SPEG: variants seen among roughly 807,000 people sequenced by gnomAD.
SPEG encodes the protein striated muscle preferentially expressed protein kinase.
SPEG carries 114 observed loss-of-function variants against 300.4 expected under a neutral mutation model. The observed-to-expected ratio is 0.38, with a 90% CI of 0.33 to 0.44. SPEG has a LOEUF of 0.44. SPEG is among the 20% of genes least tolerant of loss of function. The probability of loss-of-function intolerance (pLI) is 1.00; values close to 1 mark genes in which losing one functional copy is unlikely to be tolerated. For synonymous variants in SPEG, 1,964 were observed against 2,018.9 expected (o/e 0.97, Z 0.73); for missense variants, 4,201 against 4,586.2 (o/e 0.92, Z 2.43).
rs1171511631 is a variant in SPEG at position 219,479,888 on chromosome 2, C to T, written c.5163+28C>T. On this transcript the variant is annotated intron_variant, in intron 24 of 40. Transcript: ENST00000312358. This position sits in a 1 kb window ranked among gnomAD's most constrained non-coding sequence, Gnocchi z 5.5. ...GAGGTGGGGACTGGAGAGCAGACAGCCCCTGTGGGAGCCAGGAGGTGAAGC... is the reference window on the plus strand; with the variant it reads ...GAGGTGGGGACTGGAGAGCAGACAGTCCCTGTGGGAGCCAGGAGGTGAAGC... 1 of 1,613,748 alleles carries T rather than the reference C, an allele frequency of 6.2e-7. No homozygotes were observed. The highest frequency in any genetic ancestry group is 1.1e-5 in the South Asian group (1 of 91,070).
In SPEG at chr2:219,484,164, C is replaced by G; in HGVS notation, c.6701C>G (p.Ala2234Gly). The G allele has an allele frequency of 6.2e-7, 1 of 1,613,652 alleles. No individual in the cohort carries two copies. Among genetic ancestry groups the G allele is most frequent in the Middle Eastern group, 1.6e-4 (1 of 6,062 alleles). ...TCCAAGCCTGCACCACCCCCCCAGGCCCTGCAAACCCTAGCGCTGCCCCTC... is the reference window on the plus strand; with the variant it reads ...TCCAAGCCTGCACCACCCCCCCAGGGCCTGCAAACCCTAGCGCTGCCCCTC... The part of the protein sequence containing the change: ...RASKPAPPPQ[A>G]LQTLALPLTP... Residue 2234 changes from alanine to glycine, a missense_variant, in exon 30 of 41, where the codon GCC (alanine) becomes GGC (glycine). Ala to Gly is a moderately conservative substitution (Grantham distance 60). Transcript: ENST00000312358.
At chr2:219,470,648 G>A (rs1442157417) in intron 13 of SPEG, among the ~76,000 whole-genome samples, 1 of 152,214 alleles carries the variant, frequency 6.6e-6, no homozygotes, top group Non-Finnish European at 1.5e-5. Flanking sequence ...GGACAGCCCT[G>A]ACATGAAGGA....
chr2:219,470,194 A>G (rs1054727496), intron 13 of SPEG, among the ~76,000 whole-genome samples: 1 of 152,230 alleles, frequency 6.6e-6, no homozygotes, highest in Non-Finnish European at 1.5e-5. Flanking sequence ...ACCTTGCCAC[A>G]GGCCTATAAG....
chr2:219,446,107 G>A (rs979858271), intron 3 of SPEG, among the ~76,000 whole-genome samples: 2 of 151,986 alleles, frequency 1.3e-5, no homozygotes, highest in Admixed American at 1.3e-4. Flanking sequence ...TGGTGGGGGA[G>A]GCTGCTTTGA....
chr2:219,490,025 T>G, intron 36 of SPEG, 86 bp downstream of exon 36: 1 of 1,473,850 alleles, frequency 6.8e-7, no homozygotes, highest in Non-Finnish European at 9.1e-7. Flanking sequence ...GACCAGACTG[T>G]CCTGGCTGGG....
chr2:219,472,988 A>G lies in SPEG; in HGVS notation c.4039A>G (p.Thr1347Ala). 6.2e-7 allele frequency: 1 copy of G among 1,613,946 alleles called. No homozygotes were observed. Among genetic ancestry groups the G allele is most frequent in the Non-Finnish European group, 8.5e-7 (1 of 1,180,002 alleles). ...CCTGCGGGAGCCAGGGTGGGCAGCC[A>G]CAGGGCTGCGTAAGGGGGTCCAGCA... ...TGLREPGWAATGLRKGVQHIF... is the reference protein window; with the variant it reads ...TGLREPGWAAAGLRKGVQHIF... The change falls in exon 16 of 41, where the codon ACA (threonine) becomes GCA (alanine). Residue 1347 changes from threonine (T) to alanine (A), a missense_variant. Physicochemically the swap from Thr to Ala is moderately conservative, Grantham distance 58 (BLOSUM62 0). Coordinates refer to ENST00000312358, the MANE Select transcript of SPEG (RefSeq NM_005876.5).
chr2:219,437,032 A>G (rs938816917), intron 1 of SPEG, among the ~76,000 whole-genome samples: 4 of 152,178 alleles, frequency 2.6e-5, no homozygotes, highest in Non-Finnish European at 5.9e-5. Flanking sequence ...CTGCAGCTCC[A>G]AACACATCCT....
At position 219,480,234 on chromosome 2, in the gene SPEG, G is replaced by A; in HGVS notation, c.5342+94G>A. 5 of 1,368,374 alleles carry A rather than the reference G, an allele frequency of 3.7e-6. No individual in the cohort carries two copies. The highest frequency in any genetic ancestry group is 5.1e-6 in the Non-Finnish European group (5 of 985,440). 84.8% of individuals were successfully genotyped at this position (1,368,374 alleles called of 1,614,324 possible). Reference sequence around the variant, plus strand: ...ACTGGCAGGGAGATTTACCGAGCCTGAATTCCTCCTGAAGGTGGGCTGGAG... The same window carrying A: ...ACTGGCAGGGAGATTTACCGAGCCTAAATTCCTCCTGAAGGTGGGCTGGAG... On this transcript the variant is annotated intron_variant, in intron 25 of 40. Coordinates refer to ENST00000312358, the MANE Select transcript of SPEG (RefSeq NM_005876.5). This position sits in a 1 kb window ranked among gnomAD's most constrained non-coding sequence, Gnocchi z 5.3.
rs1014266434 is a variant in SPEG, at chr2:219,445,361, C to T, written c.815+200C>T. ...CATCACCGCCCACATCCCCCTGCTC[C>T]CACCTGTCCTGGCTCACCATGCCAT... is the stretch of plus-strand genomic sequence containing the variant. On this transcript the variant is annotated intron_variant, in intron 3 of 40. Coordinates refer to ENST00000312358, the MANE Select transcript of SPEG (RefSeq NM_005876.5). This position sits in a 1 kb window ranked among gnomAD's most constrained non-coding sequence, Gnocchi z 6.1. Among the ~76,000 whole-genome samples the T allele has an allele frequency of 2.0e-5, 3 of 152,152 alleles. No homozygotes were observed. The highest frequency in any genetic ancestry group is 2.9e-5 in the Non-Finnish European group (2 of 68,026).
chr2:219,469,609 C>T (rs868562674), intron 13 of SPEG, among the ~76,000 whole-genome samples: 1 of 152,170 alleles, frequency 6.6e-6, no homozygotes, highest in African/African-American at 2.4e-5. Context: ...ACTGACTGGG[C>T]AGGCAGTACT....
intron 6 of SPEG, among the ~76,000 whole-genome samples, chr2:219,454,424 C>A (rs1047811298): frequency 6.6e-6 from 1 of 152,174 alleles, no homozygotes; most frequent in African/African-American, 2.4e-5. Flanking sequence ...CCAAAGCATT[C>A]CCCACCGCTG....
rs909828388 is a variant in SPEG, at chr2:219,451,581, C to T, written c.2258-44C>T. ...GGTAGGAGTAGAGATTCTCAGTGGG[C>T]GCCTGTGGGCCGTGGCGAGCCGGGT... is the stretch of plus-strand genomic sequence containing the variant. On this transcript the variant is annotated intron_variant, in intron 5 of 40. Coordinates refer to ENST00000312358, the MANE Select transcript of SPEG (RefSeq NM_005876.5). This position sits in a 1 kb window ranked among gnomAD's most constrained non-coding sequence, Gnocchi z 6.4. The T allele has an allele frequency of 2.8e-5, 41 of 1,454,818 alleles. No individual in the cohort carries two copies. The highest frequency in any genetic ancestry group is 1.3e-4 in the African/African-American group (9 of 70,556). The allele number at this position is 1,454,818 out of a possible 1,614,324, so 90.1% of individuals were successfully genotyped here. A position where few individuals can be genotyped will look rare whatever the true frequency, so the allele number is the denominator to read the frequency against.
chr2:219,445,431 A>C lies in SPEG; in HGVS notation c.815+270A>C. On this transcript the variant is annotated intron_variant, in intron 3 of 40. Transcript: ENST00000312358. This position sits in a 1 kb window ranked among gnomAD's most constrained non-coding sequence, Gnocchi z 6.1. ...CTGCTGTCCCTTCCTTGTCTCCTCC[A>C]AGATCTCCAGTTTCTCAGGGGCCCT... is the stretch of plus-strand genomic sequence containing the variant. The C allele has an allele frequency of 1.4e-5, 7 of 503,148 alleles. No individual in the cohort carries two copies. Among genetic ancestry groups the C allele is most frequent in the Non-Finnish European group, 2.1e-5 (6 of 282,442 alleles). 31.2% of individuals were successfully genotyped at this position (503,148 alleles called of 1,614,324 possible).
Position 219,479,786 on chromosome 2 carries a change from C to T in SPEG, c.5089C>T (p.Arg1697Trp). The change falls in exon 24 of 41, where the codon CGG becomes TGG. Residue 1697 changes from arginine (R) to tryptophan (W), a missense_variant. Physicochemically the swap from Arg to Trp is moderately radical, Grantham distance 101. Transcript: ENST00000312358. This position sits in a 1 kb window ranked among gnomAD's most constrained non-coding sequence, Gnocchi z 5.5. Reference sequence around the variant, plus strand: ...TCTGGGCCCACTATTTCCACAGATCCGGGCCTATATGCGGCAGGTGCTAGA... The same window carrying T: ...TCTGGGCCCACTATTTCCACAGATCTGGGCCTATATGCGGCAGGTGCTAGA... ...RKPTVCESEI[R>W]AYMRQVLEGI... The T allele has an allele frequency of 3.7e-6, 6 of 1,613,840 alleles. No individual in the cohort carries two copies. Among genetic ancestry groups the T allele is most frequent in the South Asian group, 1.1e-5 (1 of 91,064 alleles).
Position 219,483,819 on chromosome 2 carries a change from C to A in SPEG, c.6356C>A (p.Pro2119Gln), listed in dbSNP as rs1425174910. 9 of 1,579,838 alleles carry A rather than the reference C, an allele frequency of 5.7e-6. No homozygotes were observed. The East Asian group carries it at 1.8e-4, about 32-fold the overall frequency. The change falls in exon 30 of 41, where the codon CCA becomes CAA. Residue 2119 changes from proline to glutamine, a missense_variant. Pro to Gln is a moderately conservative substitution (Grantham distance 76, BLOSUM62 -1). This residue lies in a region of SPEG where 1,578 missense variants were observed against 1,506.0 expected (regional missense o/e 1.05). Transcript: ENST00000312358. ...SSEAAPHHQPPLENRGLQKSS... is the reference protein window; with the variant it reads ...SSEAAPHHQPQLENRGLQKSS... Reference sequence around the variant, plus strand: ...GAGGCAGCGCCCCACCACCAGCCCCCACTCGAGAACCGGGGCCTGCAAAAG... The same window carrying A: ...GAGGCAGCGCCCCACCACCAGCCCCAACTCGAGAACCGGGGCCTGCAAAAG...
In SPEG at chr2:219,480,821, A is replaced by C. The variant is rs1006330295; in HGVS notation, c.5369+124A>C. On this transcript the variant is annotated intron_variant, in intron 26 of 40. Transcript: ENST00000312358. The surrounding 1 kb of genome is among the most constrained non-coding windows in gnomAD (Gnocchi z 5.3). ...TCCTTCTTGCACTGCAAGGAGCCTC[A>C]TGTGCATGAAGGTGGACACCCCTGT... 11 of 920,624 alleles carry C rather than the reference A, an allele frequency of 1.2e-5. No individual in the cohort carries two copies. The highest frequency in any genetic ancestry group is 1.8e-5 in the Non-Finnish European group (10 of 569,814). The allele number at this position is 920,624 out of a possible 1,614,324, so 57.0% of individuals were successfully genotyped here. A position where few individuals can be genotyped will look rare whatever the true frequency, so the allele number is the denominator to read the frequency against.
chr2:219,448,570 A>G lies in SPEG; in HGVS notation c.1412A>G (p.Gln471Arg). The part of the protein sequence containing the change: ...GSVAERRRLF[Q>R]QKAASLDERT... The stretch of plus-strand genomic sequence containing the variant: ...GTGGCCGAGCGGCGCCGCCTGTTCC[A>G]GCAGAAAGCGGCCTCGCTGGACGAG... The change falls in exon 4 of 41, where the codon CAG becomes CGG. Residue 471 changes from glutamine to arginine, a missense_variant. Gln to Arg is a conservative substitution (Grantham distance 43, BLOSUM62 1). Around this residue, in one of 4 missense-constraint regions of SPEG, gnomAD observed 1,258 missense variants for 1,293.9 expected, o/e 0.97. Coordinates refer to ENST00000312358, the MANE Select transcript of SPEG (RefSeq NM_005876.5). 6.9e-7 allele frequency: 1 copy of G among 1,451,990 alleles called. No individual in the cohort carries two copies. The highest frequency in any genetic ancestry group is 2.6e-5 in the Admixed American group (1 of 37,758). 89.9% of individuals were successfully genotyped at this position (1,451,990 alleles called of 1,614,324 possible). A position where few individuals can be genotyped will look rare whatever the true frequency, so the allele number is the denominator to read the frequency against.
At chr2:219,472,848 T>G in intron 15 of SPEG, 42 bp from the exon 16 acceptor site, 1 of 1,520,738 alleles carries the variant, frequency 6.6e-7, no homozygotes, top group South Asian at 1.3e-5. Context: ...GAGGGGTTAC[T>G]GCTCCTGCAA....
At chr2:219,438,746 G>A (rs1270793261) in intron 1 of SPEG, among the ~76,000 whole-genome samples, 1 of 152,192 alleles carries the variant, frequency 6.6e-6, no homozygotes, top group Non-Finnish European at 1.5e-5. Context: ...TTCATAGCTA[G>A]GGTCTGGAAG....
Sources: gnomAD v4.1 joint callset for allele counts (sites outside exome capture counted in the v4.1 genomes callset) on GRCh38, gnomAD v4.1.1 for gene constraint, gnomAD v4.1.1 regional missense constraint, Gnocchi (gnomAD v3.1) non-coding constraint, MANE v1.5 for transcripts, NCBI Gene and HGNC (gene_info 2026-07-23, HGNC 2026-07-21) for gene names.